The following SCFD2 variants were observed in gnomAD, a reference collection of about 807,000 sequenced individuals.
SCFD2 encodes the protein sec1 family domain containing 2, also known as sec1 family domain-containing protein 2.
Under a neutral mutation model 58.9 loss-of-function variants are expected in SCFD2, and 54 were observed. The observed-to-expected ratio is 0.92, with a 90% CI of 0.74 to 1.15. The LOEUF is 1.15. Among genes scored for constraint, SCFD2 ranks in the 50% most tolerant of loss-of-function variants. The pLI, the probability that SCFD2 is intolerant of heterozygous loss-of-function variation, is 0.00. For missense variants in SCFD2, 805 were observed against 836.6 expected, an observed-to-expected ratio of 0.96 and a Z score of 0.47; for synonymous variants, 321 against 335.9, an observed-to-expected ratio of 0.96 and a Z score of 0.49.
At position 53,022,354 on chromosome 4, in the gene SCFD2, C is replaced by T. The variant is rs143465679; in HGVS notation, c.1562-101484G>A. Reference sequence around the variant, plus strand: ...CCTGAAAATATGCCTGATCCCCCATCTAGGGCCTCTAAGGTCATTGAAGGC... The same window carrying T: ...CCTGAAAATATGCCTGATCCCCCATTTAGGGCCTCTAAGGTCATTGAAGGC... On this transcript the variant is annotated intron_variant, in intron 5 of 8. Coordinates refer to ENST00000401642, the MANE Select transcript of SCFD2 (RefSeq NM_152540.4). 5.5e-3 allele frequency among the ~76,000 whole-genome samples: 833 copies of T among 152,294 alleles called. 5 individuals carry two copies. The highest frequency in any genetic ancestry group is 5.6e-3 in the Non-Finnish European group (384 of 68,018).
chr4:53,198,640 G>T (rs192193118), intron 4 of SCFD2, among the ~76,000 whole-genome samples: 196 of 151,848 alleles, frequency 1.3e-3, no homozygotes, highest in Non-Finnish European at 2.4e-3. Flanking sequence ...TGGAGTTGGG[G>T]ATGTTTTGGT....
chr4:53,223,537 T>C (rs1240465022), intron 4 of SCFD2, among the ~76,000 whole-genome samples: 1 of 152,240 alleles, frequency 6.6e-6, no homozygotes, highest in Non-Finnish European at 1.5e-5. Context: ...CTCTGTGTCT[T>C]TGCATATACA....
chr4:52,889,866 T>TA lies in SCFD2; in HGVS notation c.1843-4001_1843-4000insT, dbSNP rs537951488. On this transcript the variant is annotated intron_variant, in intron 7 of 8. Coordinates refer to ENST00000401642, the MANE Select transcript of SCFD2 (RefSeq NM_152540.4). ...CTTACTCAACCATACACCTTGGGGA[T>TA]TTTCCATATCAGTAAGAAAAGCCTG... Among the ~76,000 whole-genome samples the TA allele has an allele frequency of 3.3e-3, 496 of 152,250 alleles. 3 individuals are homozygous for TA. The highest frequency in any genetic ancestry group is 0.011 in the African/African-American group (475 of 41,548).
In SCFD2 at chr4:53,313,673, C is replaced by T. The variant is rs568429361; in HGVS notation, c.1098G>A (p.Ala366=). The T allele has an allele frequency of 3.9e-4, 629 of 1,613,892 alleles. 10 individuals are homozygous for T. The South Asian group carries it at 6.4e-3, about 16-fold the overall frequency. Reference sequence around the variant, plus strand: ...TGATTGGCAGGTTTTCTCTGCTTGCCGCTTCCACTAGATGTCTCCGAACTT... The same window carrying T: ...TGATTGGCAGGTTTTCTCTGCTTGCTGCTTCCACTAGATGTCTCCGAACTT... ...VMEVRRHLVE[A]ASRENLPIKM... is the part of the protein sequence containing the mutation. Residue 366 remains alanine, a synonymous_variant, in exon 3 of 9, where the codon GCG becomes GCA. Coordinates refer to ENST00000401642, the MANE Select transcript of SCFD2 (RefSeq NM_152540.4).
intron 4 of SCFD2, among the ~76,000 whole-genome samples, chr4:53,218,646 A>G (rs1171922911): frequency 6.6e-6 from 1 of 152,242 alleles, no homozygotes; most frequent in Non-Finnish European, 1.5e-5. Context: ...TCAACTCGTC[A>G]AAGACATTCT....
chr4:52,938,829 T>C (rs568401799), intron 5 of SCFD2, among the ~76,000 whole-genome samples: 4 of 152,354 alleles, frequency 2.6e-5, no homozygotes, highest in African/African-American at 9.6e-5. Flanking sequence ...TAAATATTGC[T>C]GGACTCGTCA....
At position 53,251,043 on chromosome 4, in the gene SCFD2, A is replaced by T. The variant is rs550731310; in HGVS notation, c.1311+22783T>A. Among the ~76,000 whole-genome samples, 23 of 152,350 alleles carry T rather than the reference A, an allele frequency of 1.5e-4. No homozygotes were observed. The South Asian group carries it at 2.3e-3, about 15-fold the overall frequency. ...CAAATAGATGCAATAAAAAATGACA[A>T]TGGGGATATCACCACCGATCCCACA... On this transcript the variant is annotated intron_variant, in intron 4 of 8. Coordinates refer to ENST00000401642, the MANE Select transcript of SCFD2 (RefSeq NM_152540.4).
At chr4:52,925,877 C>G (rs142922153) in intron 5 of SCFD2, among the ~76,000 whole-genome samples, 195 of 152,234 alleles carry the variant, frequency 1.3e-3, no homozygotes, top group African/African-American at 4.4e-3. Flanking sequence ...TCTGTAATTT[C>G]TTTCTCTAGA....
chr4:53,194,096 T>TACAACCAACATATACACAG (rs1177572142), intron 4 of SCFD2, among the ~76,000 whole-genome samples: 1 of 152,180 alleles, frequency 6.6e-6, no homozygotes, highest in Non-Finnish European at 1.5e-5. Flanking sequence ...ACCCTACACA[T>TACAACCAACATATACACAG]ACAACCAACA....
At chr4:52,992,478 A>C (rs1256084315) in intron 5 of SCFD2, among the ~76,000 whole-genome samples, 1 of 139,368 alleles carries the variant, frequency 7.2e-6, no homozygotes, top group Admixed American at 7.1e-5. Flanking sequence ...GCGTCTCTGC[A>C]TGGCCGCCCA....
intron 5 of SCFD2, among the ~76,000 whole-genome samples, chr4:53,106,242 G>C (rs1328537895): frequency 1.3e-5 from 2 of 152,228 alleles, no homozygotes; most frequent in African/African-American, 2.4e-5. Flanking sequence ...ACCAAAGGTA[G>C]ATAAATCCAT....
At chr4:53,327,623 A>G (rs1049332403) in intron 2 of SCFD2, among the ~76,000 whole-genome samples, 18 of 152,188 alleles carry the variant, frequency 1.2e-4, no homozygotes, top group African/African-American at 4.3e-4. Context: ...CAGCATCCAC[A>G]TAGAGGAGGA....
intron 6 of SCFD2, among the ~76,000 whole-genome samples, chr4:52,918,612 C>T (rs1214359020): frequency 6.6e-6 from 1 of 152,256 alleles, no homozygotes; most frequent in East Asian, 1.9e-4. Context: ...TCCAATCCTA[C>T]CCATCCACCA....
intron 5 of SCFD2, among the ~76,000 whole-genome samples, chr4:52,994,211 ACT>A (rs1721689211): frequency 6.6e-6 from 1 of 152,162 alleles, no homozygotes; most frequent in African/African-American, 2.4e-5. Context: ...TCCTGGATGA[ACT>A]CTGACCAAAC....
chr4:52,970,715 C>A (rs949995604), intron 5 of SCFD2, among the ~76,000 whole-genome samples: 1 of 152,236 alleles, frequency 6.6e-6, no homozygotes, highest in African/African-American at 2.4e-5. Context: ...AGACAGACTG[C>A]CTCCTTAAGT....
At chr4:53,041,287 CTGATGG>C (rs1268056190) in intron 5 of SCFD2, among the ~76,000 whole-genome samples, 1 of 152,158 alleles carries the variant, frequency 6.6e-6, no homozygotes, top group Non-Finnish European at 1.5e-5. Context: ...TACAGTTTCA[CTGATGG>C]TGATGGAACA....
rs145857735 is a variant in SCFD2, at chr4:53,158,283, T to C, written c.1312-12701A>G. On this transcript the variant is annotated intron_variant, in intron 4 of 8. Coordinates refer to ENST00000401642, the MANE Select transcript of SCFD2 (RefSeq NM_152540.4). ...TATAGCACTTTAATCTGCATAATAA[T>C]ATAACACGTAAATACATATCTCCAG... Among the ~76,000 whole-genome samples the C allele has an allele frequency of 5.0e-3, 758 of 152,326 alleles. 5 individuals carry two copies. Among genetic ancestry groups the C allele is most frequent in the East Asian group, 0.02 (105 of 5,190 alleles).
Position 53,059,964 on chromosome 4 carries a change from C to T in SCFD2, c.1561+85369G>A, listed in dbSNP as rs1723457045. Among the ~76,000 whole-genome samples, 3 of 152,054 alleles carry T rather than the reference C, an allele frequency of 2.0e-5. No individual in the cohort carries two copies. In the South Asian group the frequency reaches 6.2e-4, roughly 32 times the overall value. ...TTCTTCCTTCCTTTTTAATGATACT[C>T]CTCTCACTCTAAGTGGGAAGAATAG... is the stretch of plus-strand genomic sequence containing the variant. On this transcript the variant is annotated intron_variant, in intron 5 of 8. Transcript: ENST00000401642.
chr4:52,985,035 T>A (rs1304150175), intron 5 of SCFD2, among the ~76,000 whole-genome samples: 1 of 152,226 alleles, frequency 6.6e-6, no homozygotes, highest in Non-Finnish European at 1.5e-5. Context: ...GAATTTTGAG[T>A]AGGACATGGG....
Sources: gnomAD v4.1 joint callset for allele counts (sites outside exome capture counted in the v4.1 genomes callset) on GRCh38, gnomAD v4.1.1 for gene constraint, MANE v1.5 for transcripts, NCBI Gene and HGNC (gene_info 2026-07-23, HGNC 2026-07-21) for gene names.